The following CLCA1 variants were observed in gnomAD, a reference collection of about 807,000 sequenced individuals.
CLCA1 encodes calcium-activated chloride channel regulator 1.
CLCA1 carries 59 observed loss-of-function variants against 85.6 expected under a neutral mutation model. The observed-to-expected ratio is 0.69, with a 90% CI of 0.56 to 0.86. The LOEUF is 0.86. CLCA1 is among the 40% of genes least tolerant of loss of function. The probability of loss-of-function intolerance (pLI) is 0.00; values close to 1 mark genes in which losing one functional copy is unlikely to be tolerated. For synonymous variants in CLCA1, 396 were observed against 398.3 expected, an observed-to-expected ratio of 0.99 and a Z score of 0.07; for missense variants, 1,022 against 1,101.4, an observed-to-expected ratio of 0.93 and a Z score of 1.02.
intron 11 of CLCA1, 133 bp from the exon 12 acceptor site, chr1:86,495,372 C>T (rs1011107896): frequency 2.9e-6 from 2 of 687,104 alleles, no homozygotes; most frequent in African/African-American, 3.6e-5. Flanking sequence ...CTCAACACAC[C>T]AAAATCTTAA....
intron 4 of CLCA1, 137 bp from the exon 5 acceptor site, chr1:86,482,068 T>G: frequency 3.1e-6 from 2 of 637,042 alleles, no homozygotes; most frequent in Non-Finnish European, 5.4e-6. Context: ...TTAACACTTT[T>G]GCTATGATGG....
intron 1 of CLCA1, among the ~76,000 whole-genome samples, chr1:86,472,671 T>C (rs1252387171): frequency 6.6e-6 from 1 of 152,168 alleles, no homozygotes; most frequent in East Asian, 1.9e-4. Context: ...GAAGTAAAAT[T>C]AGGTGTAATT....
At chr1:86,478,294 G>A (rs1043754898) in intron 4 of CLCA1, among the ~76,000 whole-genome samples, 2 of 152,050 alleles carry the variant, frequency 1.3e-5, no homozygotes, top group Admixed American at 1.3e-4. Context: ...ATGTGTGATG[G>A]CACACACCTA....
At chr1:86,488,881 G>A (rs1051824212) in intron 7 of CLCA1, 115 bp from the exon 8 acceptor site, 4 of 766,468 alleles carry the variant, frequency 5.2e-6, no homozygotes, top group Non-Finnish European at 8.7e-6. Context: ...GTCATTCCCA[G>A]ACAATTTTGG....
intron 4 of CLCA1, 121 bp from the exon 5 acceptor site, chr1:86,482,084 C>G: frequency 1.4e-6 from 1 of 694,948 alleles, no homozygotes; most frequent in East Asian, 2.7e-5. Flanking sequence ...GATGGGATGT[C>G]CTTGTTTCTT....
Position 86,473,822 on chromosome 1 carries a change from C to T in CLCA1, c.397C>T (p.His133Tyr). 2 of 1,612,114 alleles carry T rather than the reference C, an allele frequency of 1.2e-6. No individual in the cohort carries two copies. Among genetic ancestry groups the T allele is most frequent in the East Asian group, 4.5e-5 (2 of 44,872 alleles). Residue 133 changes from histidine (H) to tyrosine (Y), a missense_variant, in exon 3 of 14, where the codon CAC becomes TAC. Coordinates refer to ENST00000394711, the MANE Select transcript of CLCA1 (RefSeq NM_001285.4). ...CTGTGGAGAGAAGGGTGAAAGGATC[C>T]ACCTCACTCCTGATTTCATTGCAGG... The part of the protein sequence containing the change: ...GNCGEKGERI[H>Y]LTPDFIAGKK...
chr1:86,482,311 G>A lies in CLCA1; in HGVS notation c.664G>A (p.Gly222Arg). 1.9e-6 allele frequency: 3 copies of A among 1,614,104 alleles called. No homozygotes were observed. Among genetic ancestry groups the A allele is most frequent in the African/African-American group, 2.7e-5 (2 of 75,040 alleles). ...FNKVTGLYEKGCEFVLQSRQT... is the reference protein window; with the variant it reads ...FNKVTGLYEKRCEFVLQSRQT... ...TAAAGTAACAGGACTCTATGAAAAAGGATGTGAGTTTGTTCTCCAATCCCG... is the reference window on the plus strand; with the variant it reads ...TAAAGTAACAGGACTCTATGAAAAAAGATGTGAGTTTGTTCTCCAATCCCG... Residue 222 changes from glycine (G) to arginine (R), a missense_variant, in exon 5 of 14, where the codon GGA becomes AGA. Coordinates refer to ENST00000394711, the MANE Select transcript of CLCA1 (RefSeq NM_001285.4).
At chr1:86,485,659 GC>G in intron 6 of CLCA1, 98 bp downstream of exon 6, 1 of 1,052,404 alleles carries the variant, frequency 9.5e-7, no homozygotes, top group Non-Finnish European at 1.5e-6. Flanking sequence ...TAACCCGAGG[GC>G]CAGAATAGTT....
At chr1:86,471,570 C>T (rs1232700975) in intron 1 of CLCA1, among the ~76,000 whole-genome samples, 1 of 152,172 alleles carries the variant, frequency 6.6e-6, no homozygotes, top group Non-Finnish European at 1.5e-5. Flanking sequence ...TGGAAATTCA[C>T]ATTTCACAAG....
chr1:86,498,146 A>G (rs1029595141), intron 12 of CLCA1, among the ~76,000 whole-genome samples: 1 of 116,248 alleles, frequency 8.6e-6, no homozygotes, highest in Non-Finnish European at 1.8e-5. Context: ...CTCAAAAACA[A>G]AAACAAAGAA....
intron 1 of CLCA1, among the ~76,000 whole-genome samples, chr1:86,472,599 A>G (rs5744319): frequency 0.017 from 2,520 of 152,282 alleles, 88 homozygotes; most frequent in African/African-American, 0.058. Context: ...TCTCGTCATA[A>G]CATATCACAG....
chr1:86,476,581 C>A, intron 4 of CLCA1, 28 bp downstream of exon 4: 3 of 1,168,146 alleles, frequency 2.6e-6, no homozygotes, highest in South Asian at 1.3e-5. Context: ...TAACTTGTTC[C>A]AAACTATTTT....
Position 86,476,487 on chromosome 1 carries a change from G to T in CLCA1, c.491G>T (p.Gly164Val). 6.2e-7 allele frequency: 1 copy of T among 1,605,930 alleles called. No homozygotes were observed. The highest frequency in any genetic ancestry group is 8.5e-7 in the Non-Finnish European group (1 of 1,172,720). ...FVHEWAHLRW[G>V]VFDEYNNDEK... ...CATGAGTGGGCTCATCTACGATGGGGAGTATTTGACGAGTACAATAATGAT... is the reference window on the plus strand; with the variant it reads ...CATGAGTGGGCTCATCTACGATGGGTAGTATTTGACGAGTACAATAATGAT... The change falls in exon 4 of 14, where the codon GGA (glycine) becomes GTA (valine). Residue 164 changes from glycine to valine, a missense_variant. Gly to Val is a moderately radical substitution (Grantham distance 109, BLOSUM62 -3). Transcript: ENST00000394711.
intron 5 of CLCA1, 47 bp downstream of exon 5, chr1:86,482,429 G>C (rs771539191): frequency 6.4e-7 from 1 of 1,560,246 alleles, no homozygotes; most frequent in African/African-American, 1.4e-5. Flanking sequence ...TATGAATTTA[G>C]TGAGGCTTTT....
chr1:86,474,869 A>C (rs1391138628), intron 3 of CLCA1, among the ~76,000 whole-genome samples: 2 of 152,206 alleles, frequency 1.3e-5, no homozygotes, highest in African/African-American at 4.8e-5. Flanking sequence ...AATAACTAGC[A>C]TTAGATTTCT....
intron 2 of CLCA1, 65 bp from the exon 3 acceptor site, chr1:86,473,664 G>A: frequency 6.7e-7 from 1 of 1,500,040 alleles, no homozygotes; most frequent in African/African-American, 1.4e-5. Flanking sequence ...ACTTACTCCA[G>A]TACGAATATG....
In CLCA1 at chr1:86,468,965, T is replaced by C; in HGVS notation, c.-7T>C. Reference sequence around the variant, plus strand: ...CAAAGAGAGAAATCACAGGGAGATGTACAGCAATGGGGCCATTTAAGAGTT... The same window carrying C: ...CAAAGAGAGAAATCACAGGGAGATGCACAGCAATGGGGCCATTTAAGAGTT... On this transcript the variant is annotated 5_prime_UTR_variant, in exon 1 of 14. Transcript: ENST00000394711. 1 of 1,597,912 alleles carries C rather than the reference T, an allele frequency of 6.3e-7. No homozygotes were observed. The highest frequency in any genetic ancestry group is 1.1e-5 in the South Asian group (1 of 87,676).
intron 1 of CLCA1, 51 bp from the exon 2 acceptor site, chr1:86,473,366 A>G: frequency 1.5e-6 from 2 of 1,353,414 alleles, no homozygotes; most frequent in Non-Finnish European, 2.0e-6. Flanking sequence ...ATGACTGATA[A>G]TTTAATTTAT....
intron 12 of CLCA1, 73 bp from the exon 13 acceptor site, chr1:86,498,499 G>C (rs1457117469): frequency 2.0e-6 from 3 of 1,486,974 alleles, no homozygotes; most frequent in Admixed American, 3.5e-5. Context: ...AGGGTGATCT[G>C]ATAAGAAAAC....
Sources: allele counts gnomAD v4.1 joint callset (sites outside exome capture counted in the v4.1 genomes callset), GRCh38; gene constraint gnomAD v4.1.1; transcripts MANE v1.5; gene names NCBI Gene and HGNC (gene_info 2026-07-23, HGNC 2026-07-21).